The following MKX variants were observed in gnomAD, a reference collection of about 807,000 sequenced individuals.
MKX encodes homeobox protein Mohawk.
In MKX, 13 loss-of-function variants were observed where a neutral mutation model predicts 36.0. That is an observed-to-expected ratio of 0.36 (90% CI 0.24 to 0.57). The LOEUF (loss-of-function observed/expected upper bound fraction) is 0.57. Among genes scored for constraint, MKX ranks in the 20% least tolerant of loss-of-function variants. The pLI is 0.79. For missense variants in MKX, 458 were observed against 456.4 expected (o/e 1.00, Z -0.03); for synonymous variants, 176 against 178.3 (o/e 0.99, Z 0.10).
chr10:27,744,104 G>A lies in MKX; in HGVS notation c.-82-607C>T, dbSNP rs1326048989. Among the ~76,000 whole-genome samples the A allele has an allele frequency of 6.6e-6, 1 of 152,106 alleles. No homozygotes were observed. The highest frequency in any genetic ancestry group is 1.5e-5 in the Non-Finnish European group (1 of 68,022). On this transcript the variant is annotated intron_variant, in intron 1 of 6. Coordinates refer to ENST00000419761, the MANE Select transcript of MKX (RefSeq NM_173576.3). The surrounding 1 kb of genome is among the most constrained non-coding windows in gnomAD (Gnocchi z 5.6). ...CATCTTCTGTCCGCCAAGGTCCCCC[G>A]GGGTGAGGTTGGGTTCAAGGACAGG...
chr10:27,715,763 G>A (rs904774795), intron 5 of MKX, among the ~76,000 whole-genome samples: 6 of 152,098 alleles, frequency 3.9e-5, no homozygotes, highest in Non-Finnish European at 5.9e-5. Context: ...CTTTACTGAC[G>A]TCAGCTGCCT....
chr10:27,705,983 T>C (rs1370165283), intron 5 of MKX, among the ~76,000 whole-genome samples: 2 of 152,170 alleles, frequency 1.3e-5, no homozygotes, highest in Non-Finnish European at 2.9e-5. Context: ...TCTCCAGAAA[T>C]GTTTTCACCT....
intron 5 of MKX, among the ~76,000 whole-genome samples, chr10:27,711,503 C>T (rs1223591245): frequency 0.033 from 346 of 10,552 alleles, 1 homozygote; most frequent in Non-Finnish European, 0.057. Flanking sequence ...CTCTTCTTTC[C>T]TTCCTTCCTT....
In MKX at chr10:27,675,315, G is replaced by A; in HGVS notation, c.973C>T (p.Gln325Ter). ...TGGATGATGCAGCTGGTAGTTCCCT[G>A]CAGTTTGTCCTTTCCCTGTGCAAGA... ...TNLAQGKDKL[Q>*]GTTSCIIQKS... Residue 325 changes from glutamine (Q) to a stop codon, truncating the protein, a stop_gained, in exon 7 of 7, where the codon CAG becomes TAG. Transcript: ENST00000419761. LOFTEE classifies it high-confidence loss of function. 3 of 1,614,192 alleles carry A rather than the reference G, an allele frequency of 1.9e-6. No individual in the cohort carries two copies. The highest frequency in any genetic ancestry group is 2.5e-6 in the Non-Finnish European group (3 of 1,180,032).
rs1426518678 is a variant in MKX at position 27,720,306 on chromosome 10, G to A, written c.838+14150C>T. On this transcript the variant is annotated intron_variant, in intron 5 of 6. Coordinates refer to ENST00000419761, the MANE Select transcript of MKX (RefSeq NM_173576.3). ...AACATAACTCTAATACTAAAACTGTGCAAGGAGACCATTAGGAAAAAAAAA... is the reference window on the plus strand; with the variant it reads ...AACATAACTCTAATACTAAAACTGTACAAGGAGACCATTAGGAAAAAAAAA... 9.1e-4 allele frequency among the ~76,000 whole-genome samples: 137 copies of A among 151,192 alleles called. 2 individuals are homozygous for A. The highest frequency in any genetic ancestry group is 7.4e-5 in the Non-Finnish European group (5 of 67,864).
At chr10:27,684,189 C>T (rs1187013023) in intron 5 of MKX, among the ~76,000 whole-genome samples, 1 of 151,974 alleles carries the variant, frequency 6.6e-6, no homozygotes, top group Admixed American at 6.6e-5. Context: ...GTGGTGTGTG[C>T]CTGTAGTCCC....
In MKX at chr10:27,698,852, A is replaced by C. The variant is rs562444266; in HGVS notation, c.839-23298T>G. Among the ~76,000 whole-genome samples the C allele has an allele frequency of 2.0e-5, 3 of 152,324 alleles. No homozygotes were observed. The South Asian group carries it at 6.2e-4, about 32-fold the overall frequency. On this transcript the variant is annotated intron_variant, in intron 5 of 6. Transcript: ENST00000419761. ...TGTGGAAAGTCAGTCGCATATAGAA[A>C]AAAAAAGAGGTATGTAAATCAATCA...
intron 5 of MKX, among the ~76,000 whole-genome samples, chr10:27,730,459 CTT>C (rs11479538): frequency 2.5e-4 from 33 of 134,540 alleles, no homozygotes; most frequent in African/African-American, 3.5e-4. Flanking sequence ...TTTCAACTGG[CTT>C]TTTTTTTTTT....
intron 5 of MKX, among the ~76,000 whole-genome samples, chr10:27,708,602 G>A (rs1010462490): frequency 3.3e-5 from 5 of 151,964 alleles, no homozygotes; most frequent in South Asian, 2.1e-4. Context: ...GGTGGCGTGC[G>A]CCTCTAGTCT....
At position 27,673,708 on chromosome 10, in the gene MKX, C is replaced by T. The variant is rs1420724667; in HGVS notation, c.*1521G>A. On this transcript the variant is annotated 3_prime_UTR_variant, in exon 7 of 7. Coordinates refer to ENST00000419761, the MANE Select transcript of MKX (RefSeq NM_173576.3). ...CATTACACTAAATAAACCCAATCCC[C>T]AAATGTTATGTTACATGAAAAAGTG... 1 of 152,314 alleles carries T rather than the reference C, an allele frequency of 6.6e-6. No individual in the cohort carries two copies. Among genetic ancestry groups the T allele is most frequent in the Non-Finnish European group, 1.5e-5 (1 of 67,976 alleles). The allele number at this position is 152,314 out of a possible 1,614,324, so 9.4% of individuals were successfully genotyped here.
In MKX at chr10:27,743,193, G is replaced by C. The variant is rs762432869; in HGVS notation, c.188+35C>G. ...CTCACCACCCCCACCCCTCCGGGCC[G>C]CAGGCGGGCAGGGCCCCCAGGGGAG... is the stretch of plus-strand genomic sequence containing the variant. On this transcript the variant is annotated intron_variant, in intron 2 of 6. Transcript: ENST00000419761. 11 of 1,423,032 alleles carry C rather than the reference G, an allele frequency of 7.7e-6. No homozygotes were observed. In the African/African-American group the frequency reaches 1.6e-4, roughly 21 times the overall value. The allele number at this position is 1,423,032 out of a possible 1,614,324, so 88.2% of individuals were successfully genotyped here. A position where few individuals can be genotyped will look rare whatever the true frequency, so the allele number is the denominator to read the frequency against.
intron 5 of MKX, among the ~76,000 whole-genome samples, chr10:27,699,056 A>T (rs994653779): frequency 6.6e-6 from 1 of 152,172 alleles, no homozygotes; most frequent in Non-Finnish European, 1.5e-5. Flanking sequence ...CTTAATCCAT[A>T]CTCTATTTAC....
intron 5 of MKX, among the ~76,000 whole-genome samples, chr10:27,687,111 A>T (rs1836371048): frequency 6.6e-6 from 1 of 151,478 alleles, no homozygotes; most frequent in Non-Finnish European, 1.5e-5. Flanking sequence ...GGTTCAAGTG[A>T]TTCTCCTGCC....
intron 5 of MKX, among the ~76,000 whole-genome samples, chr10:27,701,370 A>T (rs955276066): frequency 4.7e-4 from 3 of 6,434 alleles, no homozygotes; most frequent in African/African-American, 7.1e-4. Flanking sequence ...AGATGATTTT[A>T]TATATATATA....
chr10:27,686,363 A>C (rs887442657), intron 5 of MKX, among the ~76,000 whole-genome samples: 3 of 141,300 alleles, frequency 2.1e-5, no homozygotes, highest in Admixed American at 1.5e-4. Flanking sequence ...AAAGAAGGAA[A>C]GAAAGAAAGA....
intron 5 of MKX, among the ~76,000 whole-genome samples, chr10:27,692,940 A>G (rs558155887): frequency 6.6e-6 from 1 of 152,362 alleles, no homozygotes; most frequent in South Asian, 2.1e-4. Context: ...CAGCTTGGCC[A>G]CTGCTCAACC....
chr10:27,742,690 T>G lies in MKX; in HGVS notation c.188+538A>C, dbSNP rs1230988526. 2.0e-5 allele frequency among the ~76,000 whole-genome samples: 3 copies of G among 150,090 alleles called. No individual in the cohort carries two copies. The highest frequency in any genetic ancestry group is 3.0e-5 in the Non-Finnish European group (2 of 67,338). On this transcript the variant is annotated intron_variant, in intron 2 of 6. Coordinates refer to ENST00000419761, the MANE Select transcript of MKX (RefSeq NM_173576.3). This position sits in a 1 kb window ranked among gnomAD's most constrained non-coding sequence, Gnocchi z 4.2. ...CAGGCCCGGGGCCTCCCCCTCCGGG[T>G]TCGCCGCGGGCCCAGCCGAGCCGCG... is the stretch of plus-strand genomic sequence containing the variant.
intron 5 of MKX, chr10:27,718,480 C>A: frequency 3.3e-6 from 1 of 303,388 alleles, no homozygotes. Flanking sequence ...TTTAATTTTC[C>A]ATTAATCAAT....
At chr10:27,699,519 A>G (rs1046675205) in intron 5 of MKX, among the ~76,000 whole-genome samples, 8 of 152,268 alleles carry the variant, frequency 5.3e-5, no homozygotes, top group Non-Finnish European at 1.0e-4. Context: ...GAATACGTCA[A>G]TAACGTTCAC....
Sources: gnomAD v4.1 joint callset for allele counts (sites outside exome capture counted in the v4.1 genomes callset) on GRCh38, gnomAD v4.1.1 for gene constraint, Gnocchi (gnomAD v3.1) non-coding constraint, MANE v1.5 for transcripts, NCBI Gene and HGNC (gene_info 2026-07-23, HGNC 2026-07-21) for gene names.